The following ANKRD18B variants were observed in gnomAD, a reference collection of about 807,000 sequenced individuals.
The protein encoded by ANKRD18B is ankyrin repeat domain 18B.
A neutral mutation model predicts 111.8 loss-of-function variants in ANKRD18B; 75 were observed. The observed-to-expected ratio is 0.67, with a 90% CI of 0.56 to 0.81. The LOEUF is 0.81. ANKRD18B is among the 40% of genes least tolerant of loss of function. The probability of loss-of-function intolerance (pLI) is 0.00; values close to 1 mark genes in which losing one functional copy is unlikely to be tolerated. For missense variants in ANKRD18B, 1,038 were observed against 1,225.5 expected (o/e 0.85, Z 2.28); for synonymous variants, 356 against 417.3 (o/e 0.85, Z 1.79).
At chr9:33,550,607 G>T (rs542481493) in intron 12 of ANKRD18B, 28 bp downstream of exon 12, 1 of 1,496,278 alleles carries the variant, frequency 6.7e-7, no homozygotes, top group African/African-American at 1.4e-5. Flanking sequence ...CATGTAGACA[G>T]TTAATCTGTA....
At chr9:33,553,394 C>T (rs1828475400) in intron 12 of ANKRD18B, among the ~76,000 whole-genome samples, 1 of 152,070 alleles carries the variant, frequency 6.6e-6, no homozygotes, top group South Asian at 2.1e-4. Flanking sequence ...TATAGATTCC[C>T]ATAGAATTGA....
Position 33,555,624 on chromosome 9 carries a change from C to T in ANKRD18B, c.2218-84C>T, listed in dbSNP as rs557396546. ...TACAACTGCCTAAATACATATTATT[C>T]ATCAACTTATGAGAAATAATATTTT... is the stretch of plus-strand genomic sequence containing the variant. On this transcript the variant is annotated intron_variant, in intron 12 of 18. Coordinates refer to ENST00000684830, the MANE Select transcript of ANKRD18B (RefSeq NM_001393611.1). 114 of 1,041,270 alleles carry T rather than the reference C, an allele frequency of 1.1e-4. 1 individual carries two copies. In the African/African-American group the frequency reaches 1.6e-3, roughly 15 times the overall value. 64.5% of individuals were successfully genotyped at this position (1,041,270 alleles called of 1,614,324 possible).
At chr9:33,535,920 C>G (rs965452544) in intron 5 of ANKRD18B, among the ~76,000 whole-genome samples, 1 of 151,008 alleles carries the variant, frequency 6.6e-6, no homozygotes, top group South Asian at 2.1e-4. Flanking sequence ...GAGTAGCACA[C>G]GGGATGTTAC....
chr9:33,537,652 T>C (rs1563901076), intron 6 of ANKRD18B, among the ~76,000 whole-genome samples: 1 of 152,206 alleles, frequency 6.6e-6, no homozygotes, highest in Non-Finnish European at 1.5e-5. Flanking sequence ...TAAATATTAA[T>C]TCCAGTTGAT....
At position 33,550,595 on chromosome 9, in the gene ANKRD18B, A is replaced by G. The variant is rs1344995388; in HGVS notation, c.2217+16A>G. 1 of 1,526,088 alleles carries G rather than the reference A, an allele frequency of 6.6e-7. No individual in the cohort carries two copies. Among genetic ancestry groups the G allele is most frequent in the African/African-American group, 1.4e-5 (1 of 72,046 alleles). 94.5% of individuals were successfully genotyped at this position (1,526,088 alleles called of 1,614,324 possible). On this transcript the variant is annotated intron_variant, in intron 12 of 18. Transcript: ENST00000684830. ...AGAAATTCAAGTATGTATGGAATTT[A>G]ACATGTAGACAGTTAATCTGTAGCT... is the stretch of plus-strand genomic sequence containing the variant.
At chr9:33,565,474 G>A (rs1284352929) in intron 14 of ANKRD18B, among the ~76,000 whole-genome samples, 1 of 152,116 alleles carries the variant, frequency 6.6e-6, no homozygotes, top group Non-Finnish European at 1.5e-5. Flanking sequence ...TCATTATTTT[G>A]TGTTTTTTGA....
At chr9:33,575,250 G>C (rs1009706331), downstream of ANKRD18B, among the ~76,000 whole-genome samples, 28 of 152,284 alleles carry the variant, frequency 1.8e-4, no homozygotes, top group Non-Finnish European at 2.2e-4. Context: ...GGCCCAGTCT[G>C]GCTCCATGAT....
intron 1 of ANKRD18B, 76 bp downstream of exon 1, chr9:33,524,771 G>A (rs1457076173): frequency 4.7e-6 from 7 of 1,481,158 alleles, no homozygotes; most frequent in Non-Finnish European, 5.4e-6. Context: ...CGGGGTCGTC[G>A]GAGTTCGCCG....
Position 33,544,943 on chromosome 9 carries a change from A to G in ANKRD18B, c.1149+1688A>G, listed in dbSNP as rs1828333079. 2.6e-5 allele frequency among the ~76,000 whole-genome samples: 4 copies of G among 152,184 alleles called. No individual in the cohort carries two copies. In the South Asian group the frequency reaches 8.3e-4, roughly 31 times the overall value. ...GGAAGAGCTCTTACATTGTAACTCTAAAGAGGGACAAACTTAAAGGGAGTG... is the reference window on the plus strand; with the variant it reads ...GGAAGAGCTCTTACATTGTAACTCTGAAGAGGGACAAACTTAAAGGGAGTG... On this transcript the variant is annotated intron_variant, in intron 10 of 18. Transcript: ENST00000684830.
chr9:33,526,126 T>C (rs146856653), intron 1 of ANKRD18B, among the ~76,000 whole-genome samples: 168 of 152,322 alleles, frequency 1.1e-3, no homozygotes, highest in Middle Eastern at 6.8e-3. Context: ...GCAGTGGCAC[T>C]TACACTGCTG....
intron 14 of ANKRD18B, 126 bp downstream of exon 14, chr9:33,558,313 TA>T (rs1208694267): frequency 9.2e-7 from 1 of 1,092,828 alleles, no homozygotes; most frequent in Admixed American, 3.0e-5. Flanking sequence ...ACCTAGGTAT[TA>T]AGCCCCGTAG....
chr9:33,568,527 A>G (rs2118139368), intron 16 of ANKRD18B, 144 bp from the exon 17 acceptor site: 3 of 643,768 alleles, frequency 4.7e-6, no homozygotes, highest in Non-Finnish European at 7.6e-6. Flanking sequence ...TACAAGAGGT[A>G]TGCTCTCACA....
intron 14 of ANKRD18B, among the ~76,000 whole-genome samples, chr9:33,565,091 G>A (rs1445268044): frequency 3.9e-5 from 6 of 152,126 alleles, no homozygotes; most frequent in Non-Finnish European, 7.3e-5. Flanking sequence ...AAATCTTTGT[G>A]CAGACTAATG....
chr9:33,526,596 G>A (rs1325085855), intron 1 of ANKRD18B, among the ~76,000 whole-genome samples: 2 of 152,122 alleles, frequency 1.3e-5, no homozygotes, highest in South Asian at 2.1e-4. Context: ...ATAAATTTTG[G>A]GAAGAGAGAA....
chr9:33,534,567 T>G (rs1328335211), intron 5 of ANKRD18B, 60 bp downstream of exon 5: 1 of 1,454,976 alleles, frequency 6.9e-7, no homozygotes, highest in Non-Finnish European at 9.1e-7. Flanking sequence ...TAATTATAAC[T>G]ATTGCATCTT....
intron 16 of ANKRD18B, among the ~76,000 whole-genome samples, 173 bp downstream of exon 16, chr9:33,567,487 G>T (rs533433935): frequency 9.5e-4 from 144 of 152,252 alleles, no homozygotes; most frequent in African/African-American, 3.3e-3. Flanking sequence ...TGTTCATCAA[G>T]GATAGTTTCT....
intron 3 of ANKRD18B, among the ~76,000 whole-genome samples, chr9:33,531,510 C>T (rs967949269): frequency 6.6e-6 from 1 of 150,704 alleles, no homozygotes; most frequent in African/African-American, 2.4e-5. Context: ...AGAAACAAAT[C>T]TGGTGTCCCC....
intron 11 of ANKRD18B, 118 bp downstream of exon 11, chr9:33,548,973 T>C (rs1828408368): frequency 9.5e-7 from 1 of 1,052,008 alleles, no homozygotes; most frequent in Non-Finnish European, 1.3e-6. Context: ...TACCATTCTG[T>C]ATAATTCCAT....
At chr9:33,574,853 T>G (rs1828837938), downstream of ANKRD18B, among the ~76,000 whole-genome samples, 1 of 152,224 alleles carries the variant, frequency 6.6e-6, no homozygotes, top group African/African-American at 2.4e-5. Flanking sequence ...GCTCCTGTTG[T>G]GGTGGGTTGT....
Sources: allele counts gnomAD v4.1 joint callset (sites outside exome capture counted in the v4.1 genomes callset), GRCh38; gene constraint gnomAD v4.1.1; transcripts MANE v1.5; gene names NCBI Gene and HGNC (gene_info 2026-07-23, HGNC 2026-07-21).